The following CDH18 variants were observed in gnomAD, a reference collection of about 807,000 sequenced individuals.
The protein encoded by CDH18 is cadherin-18.
A neutral mutation model predicts 67.9 loss-of-function variants in CDH18; 31 were observed. The observed-to-expected ratio is 0.46, with a 90% confidence interval of 0.34 to 0.62. The LOEUF (loss-of-function observed/expected upper bound fraction) is 0.62. Among genes scored for constraint, CDH18 ranks in the 20% least tolerant of loss-of-function variants. The probability of loss-of-function intolerance (pLI) is 0.01; values close to 1 mark genes in which losing one functional copy is unlikely to be tolerated. For missense variants in CDH18, 890 were observed against 975.5 expected, an observed-to-expected ratio of 0.91 and a Z score of 1.17; for synonymous variants, 362 against 347.2, an observed-to-expected ratio of 1.04 and a Z score of -0.48.
intron 4 of CDH18, among the ~76,000 whole-genome samples, chr5:19,738,219 T>C (rs1348254793): frequency 2.0e-5 from 3 of 152,136 alleles, no homozygotes; most frequent in African/African-American, 7.2e-5. Context: ...TAATATCAGG[T>C]GATTTCAAAC....
chr5:19,842,400 G>A (rs181370223), intron 2 of CDH18, among the ~76,000 whole-genome samples: 8 of 152,280 alleles, frequency 5.3e-5, no homozygotes, highest in East Asian at 1.9e-4. Context: ...GTTATCACAA[G>A]ATCTGACGGT....
intron 1 of CDH18, among the ~76,000 whole-genome samples, chr5:20,460,391 CTAAATACA>C (rs1257147498): frequency 9.3e-4 from 116 of 125,066 alleles, no homozygotes; most frequent in African/African-American, 3.5e-3. Flanking sequence ...GACTCCATCT[CTAAATACA>C]TAAATAAATA....
At position 19,619,763 on chromosome 5, in the gene CDH18, C is replaced by T. The variant is rs575528438; in HGVS notation, c.644-7162G>A. ...CTTCCCTATTTGTCAGTCACTGTTA[C>T]GGCTGCGGTTTAGCCAGGGTATGGT... On this transcript the variant is annotated intron_variant, in intron 5 of 12. Coordinates refer to ENST00000382275, the MANE Select transcript of CDH18 (RefSeq NM_004934.5). 2.4e-4 allele frequency among the ~76,000 whole-genome samples: 36 copies of T among 152,292 alleles called. No homozygotes were observed. The South Asian group carries it at 4.6e-3, about 19-fold the overall frequency.
At chr5:20,334,748 T>TA (rs1739555970) in intron 1 of CDH18, among the ~76,000 whole-genome samples, 1 of 117,488 alleles carries the variant, frequency 8.5e-6, no homozygotes, top group Non-Finnish European at 1.7e-5. Context: ...TCTCTCTCTC[T>TA]CTCATACACA....
intron 2 of CDH18, among the ~76,000 whole-genome samples, chr5:20,193,521 T>C (rs957855806): frequency 2.0e-5 from 3 of 152,140 alleles, no homozygotes; most frequent in African/African-American, 7.2e-5. Flanking sequence ...GAGTAGCTGA[T>C]ACCAGTCCTT....
chr5:20,430,720 CA>C (rs1380105648), intron 1 of CDH18, among the ~76,000 whole-genome samples: 4 of 152,060 alleles, frequency 2.6e-5, no homozygotes, highest in African/African-American at 9.7e-5. Flanking sequence ...ATAAAATTGA[CA>C]AATAGATTCA....
In CDH18 at chr5:19,618,350, C is replaced by T. The variant is rs368477010; in HGVS notation, c.644-5749G>A. 7.9e-5 allele frequency among the ~76,000 whole-genome samples: 12 copies of T among 152,128 alleles called. No individual in the cohort carries two copies. The South Asian group carries it at 1.2e-3, about 16-fold the overall frequency. ...CTTCCTGAGTAGCTGGGACTACAGG[C>T]ATGCACCACCATGCCCAGCTATTTT... On this transcript the variant is annotated intron_variant, in intron 5 of 12. Coordinates refer to ENST00000382275, the MANE Select transcript of CDH18 (RefSeq NM_004934.5).
chr5:20,552,053 A>G (rs1265446091), intron 1 of CDH18, among the ~76,000 whole-genome samples: 1 of 152,142 alleles, frequency 6.6e-6, no homozygotes, highest in East Asian at 1.9e-4. Flanking sequence ...TGAGTGTTCA[A>G]ATATTCAAGA....
At chr5:19,660,402 CAAAG>C (rs1444558888) in intron 5 of CDH18, among the ~76,000 whole-genome samples, 1 of 152,052 alleles carries the variant, frequency 6.6e-6, no homozygotes, top group African/African-American at 2.4e-5. Context: ...GTGAACCTGC[CAAAG>C]AATTACCACA....
At chr5:20,182,109 T>C (rs1737728451) in intron 2 of CDH18, among the ~76,000 whole-genome samples, 1 of 152,120 alleles carries the variant, frequency 6.6e-6, no homozygotes, top group Admixed American at 6.6e-5. Context: ...CTGGCGAAAG[T>C]GGCATTTCAC....
intron 8 of CDH18, among the ~76,000 whole-genome samples, chr5:19,568,969 A>G (rs1354108390): frequency 6.6e-6 from 1 of 152,192 alleles, no homozygotes; most frequent in Admixed American, 6.5e-5. Flanking sequence ...GTTTTCATAT[A>G]TGTTGGAACA....
At chr5:19,665,524 T>C (rs1757784804) in intron 5 of CDH18, among the ~76,000 whole-genome samples, 1 of 152,076 alleles carries the variant, frequency 6.6e-6, no homozygotes, top group Non-Finnish European at 1.5e-5. Flanking sequence ...CTTATATGAA[T>C]AGATCTGAGA....
chr5:20,060,881 GC>G (rs1331570285), intron 2 of CDH18, among the ~76,000 whole-genome samples: 1 of 151,568 alleles, frequency 6.6e-6, no homozygotes, highest in Non-Finnish European at 1.5e-5. Context: ...TAGAAAACCT[GC>G]TTTTTATATG....
chr5:20,532,130 C>T (rs569447467), intron 1 of CDH18, among the ~76,000 whole-genome samples: 25 of 152,220 alleles, frequency 1.6e-4, no homozygotes, highest in Admixed American at 6.6e-4. Flanking sequence ...GCTATTACTA[C>T]TTCTAGCTAT....
rs866612157 is a variant in CDH18, at chr5:20,024,327, G to A, written c.-517-32313C>T. On this transcript the variant is annotated intron_variant, in intron 2 of 14. Coordinates refer to the CDH18 transcript ENST00000507958. The stretch of plus-strand genomic sequence containing the variant: ...TAACATATGGCTCCCAGGTGTCTGG[G>A]ACTGGGGTAGGGTGCTATATAAAAT... 2.0e-5 allele frequency among the ~76,000 whole-genome samples: 3 copies of A among 152,174 alleles called. No homozygotes were observed. The South Asian group carries it at 6.2e-4, about 31-fold the overall frequency.
intron 4 of CDH18, among the ~76,000 whole-genome samples, chr5:19,744,232 C>T (rs890449704): frequency 1.3e-5 from 2 of 152,080 alleles, no homozygotes; most frequent in African/African-American, 4.8e-5. Context: ...AGAGTTGAAA[C>T]TTACTCTGTC....
chr5:20,258,768 C>T (rs1744430489), intron 1 of CDH18, among the ~76,000 whole-genome samples: 1 of 151,964 alleles, frequency 6.6e-6, no homozygotes, highest in African/African-American at 2.4e-5. Context: ...TCCTAACATA[C>T]CCTAATACTA....
chr5:19,717,780 G>A (rs928841567), intron 5 of CDH18, among the ~76,000 whole-genome samples: 1 of 151,818 alleles, frequency 6.6e-6, no homozygotes, highest in African/African-American at 2.4e-5. Flanking sequence ...ATAGTAAAAT[G>A]TTTTCTTTAA....
intron 2 of CDH18, among the ~76,000 whole-genome samples, chr5:20,187,363 A>G (rs1422600512): frequency 6.6e-6 from 1 of 151,894 alleles, no homozygotes; most frequent in Non-Finnish European, 1.5e-5. Flanking sequence ...ACGTTATCTA[A>G]TATTTAGATA....
Sources: gnomAD v4.1 joint callset for allele counts (sites outside exome capture counted in the v4.1 genomes callset) on GRCh38, gnomAD v4.1.1 for gene constraint, MANE v1.5 for transcripts, NCBI Gene and HGNC (gene_info 2026-07-23, HGNC 2026-07-21) for gene names.